Variants in APLP2 observed in about 807,000 individuals in gnomAD.
APLP2 encodes amyloid beta precursor like protein 2, also known as CDEI box-binding protein.
APLP2 carries 53 observed loss-of-function variants against 89.9 expected under a neutral mutation model. The observed-to-expected ratio is 0.59, with a 90% CI of 0.47 to 0.74. APLP2 has a LOEUF of 0.74. Ranked by LOEUF, APLP2 falls within the 30% of genes least tolerant of loss-of-function variation. The pLI is 0.00. For synonymous variants in APLP2, 372 were observed against 348.6 expected, an observed-to-expected ratio of 1.07 and a Z score of -0.75; for missense variants, 973 against 975.9, an observed-to-expected ratio of 1.00 and a Z score of 0.04.
At chr11:130,094,469 G>A (rs1478436951) in intron 1 of APLP2, among the ~76,000 whole-genome samples, 3 of 152,104 alleles carry the variant, frequency 2.0e-5, no homozygotes, top group Admixed American at 6.6e-5. Context: ...GATTACAGAC[G>A]TGAGCCACCG....
intron 3 of APLP2, among the ~76,000 whole-genome samples, chr11:130,114,789 A>G (rs10894178): frequency 0.098 from 14,963 of 152,210 alleles, 1,092 homozygotes; most frequent in African/African-American, 0.2. Flanking sequence ...AGGTAGTGTT[A>G]TTGCGATATG....
intron 1 of APLP2, among the ~76,000 whole-genome samples, chr11:130,105,688 GTCTT>G (rs920703912): frequency 7.0e-6 from 1 of 142,734 alleles, no homozygotes; most frequent in Non-Finnish European, 1.5e-5. Flanking sequence ...CTCTCTCCCT[GTCTT>G]TCTGTCTGCT....
At chr11:130,137,429 C>A in intron 13 of APLP2, 2 of 817,670 alleles carry the variant, frequency 2.4e-6, no homozygotes, top group South Asian at 2.8e-5. Flanking sequence ...TGAGTGGGGT[C>A]AGAGCAGCCC....
intron 13 of APLP2, chr11:130,139,511 A>G (rs1952083761): frequency 6.6e-6 from 1 of 152,194 alleles, no homozygotes. Context: ...GATAGCTAGA[A>G]ATCACATGCT....
rs150557962 is a variant in APLP2, at chr11:130,128,701, A to G, written c.1297-347A>G. ...TCAGTGGTCTCAGAGTTTGGAAGTT[A>G]GTGCCTTGCTGCAATGTGGGAAGGA... On this transcript the variant is annotated intron_variant, in intron 9 of 16. Coordinates refer to ENST00000338167, the MANE Select transcript of APLP2 (RefSeq NM_001142276.2). Among the ~76,000 whole-genome samples the G allele has an allele frequency of 2.5e-3, 374 of 152,374 alleles. 1 individual carries two copies. Among genetic ancestry groups the G allele is most frequent in the African/African-American group, 8.7e-3 (362 of 41,584 alleles).
chr11:130,103,131 A>T (rs1947160450), intron 1 of APLP2, among the ~76,000 whole-genome samples: 1 of 152,252 alleles, frequency 6.6e-6, no homozygotes, highest in Non-Finnish European at 1.5e-5. Context: ...GGATCAAGGC[A>T]CAGTCTGTGC....
intron 1 of APLP2, among the ~76,000 whole-genome samples, chr11:130,095,825 C>T (rs1246372362): frequency 6.6e-6 from 1 of 152,196 alleles, no homozygotes; most frequent in Non-Finnish European, 1.5e-5. Flanking sequence ...AGTGCAGTAT[C>T]TTGAAGAAAC....
chr11:130,118,217 A>G (rs1015015965), intron 3 of APLP2, among the ~76,000 whole-genome samples: 2 of 152,376 alleles, frequency 1.3e-5, no homozygotes, highest in Admixed American at 6.5e-5. Flanking sequence ...CTGTTGCTTA[A>G]ATATACATTG....
intron 11 of APLP2, 101 bp from the exon 12 acceptor site, chr11:130,133,528 A>G (rs1044097905): frequency 6.3e-6 from 5 of 794,894 alleles, no homozygotes; most frequent in African/African-American, 3.4e-5. Flanking sequence ...TGCTTTGTAA[A>G]GTGGTTTTTC....
In APLP2 at chr11:130,117,920, C is replaced by CA. The variant is rs949985896; in HGVS notation, c.404-2779dup. 4.0e-5 allele frequency among the ~76,000 whole-genome samples: 6 copies of CA among 151,500 alleles called. No homozygotes were observed. The East Asian group carries it at 5.9e-4, about 15-fold the overall frequency. On this transcript the variant is annotated intron_variant, in intron 3 of 16. Coordinates refer to ENST00000338167, the MANE Select transcript of APLP2 (RefSeq NM_001142276.2). Reference sequence around the variant, plus strand: ...AAAACCCGTCTCTCTACTAAAAATACAAAAAAATTAGACGGGCGTGGTGGC... The same window carrying CA: ...AAAACCCGTCTCTCTACTAAAAATACAAAAAAAATTAGACGGGCGTGGTGGC...
intron 1 of APLP2, chr11:130,070,496 C>T (rs1940767837): frequency 5.9e-6 from 7 of 1,188,668 alleles, no homozygotes; most frequent in Non-Finnish European, 7.3e-6. Context: ...CCCGCGCGGA[C>T]CCCGTACGCT....
At chr11:130,135,485 G>A in intron 12 of APLP2, 78 bp from the exon 13 acceptor site, 1 of 1,502,892 alleles carries the variant, frequency 6.7e-7, no homozygotes, top group South Asian at 1.2e-5. Flanking sequence ...GTGGGGTCTT[G>A]GAGCTCTAGA....
intron 3 of APLP2, among the ~76,000 whole-genome samples, chr11:130,110,946 T>A (rs1948472842): frequency 6.6e-6 from 1 of 152,212 alleles, no homozygotes; most frequent in African/African-American, 2.4e-5. Context: ...CATTGTTTGA[T>A]ATCAGTGGTT....
chr11:130,092,344 T>G lies in APLP2; in HGVS notation c.106-17085T>G, dbSNP rs1223059950. ...TGGCGGCCGGGCAGAGGCTGCAATC[T>G]CGGCACTTTGGGAGGCCAAGGCAGG... On this transcript the variant is annotated intron_variant, in intron 1 of 16. Transcript: ENST00000338167. 3.1e-3 allele frequency among the ~76,000 whole-genome samples: 358 copies of G among 115,468 alleles called. 2 individuals carry two copies. Among genetic ancestry groups the G allele is most frequent in the Non-Finnish European group, 4.7e-3 (272 of 58,108 alleles). The allele number at this position is 115,468 out of a possible 152,430, so 75.8% of individuals were successfully genotyped here.
chr11:130,122,240 G>T, intron 5 of APLP2, 65 bp from the exon 6 acceptor site: 3 of 1,561,732 alleles, frequency 1.9e-6, no homozygotes, highest in Non-Finnish European at 2.6e-6. Context: ...ATAGAGAAGG[G>T]ACCCATTGTT....
At position 130,120,079 on chromosome 11, in the gene APLP2, A is replaced by G. The variant is rs187939605; in HGVS notation, c.404-627A>G. ...AGCATGATTAGATTCAAATGATAAT[A>G]TATTTTGGCAGAAATACTGTGTAGG... On this transcript the variant is annotated intron_variant, in intron 3 of 16. Transcript: ENST00000338167. Among the ~76,000 whole-genome samples the G allele has an allele frequency of 5.7e-4, 87 of 152,332 alleles. 1 individual carries two copies. The highest frequency in any genetic ancestry group is 4.4e-3 in the Admixed American group (67 of 15,294).
At position 130,135,495 on chromosome 11, in the gene APLP2, A is replaced by G. The variant is rs966720865; in HGVS notation, c.1685-68A>G. On this transcript the variant is annotated intron_variant, in intron 12 of 16. Coordinates refer to ENST00000338167, the MANE Select transcript of APLP2 (RefSeq NM_001142276.2). ...CCACAGTGGGGTCTTGGAGCTCTAGAGCATCCTGTGCCTGGACACCAGGCC... is the reference window on the plus strand; with the variant it reads ...CCACAGTGGGGTCTTGGAGCTCTAGGGCATCCTGTGCCTGGACACCAGGCC... The G allele has an allele frequency of 5.8e-6, 9 of 1,554,900 alleles. No individual in the cohort carries two copies. In the African/African-American group the frequency reaches 1.1e-4, roughly 19 times the overall value.
rs575570059 is a variant in APLP2, at chr11:130,123,440, A to G, written c.923-172A>G. On this transcript the variant is annotated intron_variant, in intron 6 of 16. Transcript: ENST00000338167. This position sits in a 1 kb window ranked among gnomAD's most constrained non-coding sequence, Gnocchi z 4.0. ...AATGTCTCTACTCTGTGGGGAAGCAACTTGTCCTCAGCAAGGCTGGCCTGA... is the reference window on the plus strand; with the variant it reads ...AATGTCTCTACTCTGTGGGGAAGCAGCTTGTCCTCAGCAAGGCTGGCCTGA... Among the ~76,000 whole-genome samples the G allele has an allele frequency of 5.3e-5, 8 of 152,344 alleles. No homozygotes were observed. The East Asian group carries it at 7.7e-4, about 15-fold the overall frequency.
At chr11:130,111,541 A>G (rs1255942073) in intron 3 of APLP2, among the ~76,000 whole-genome samples, 2 of 152,194 alleles carry the variant, frequency 1.3e-5, no homozygotes, top group Non-Finnish European at 2.9e-5. Context: ...TTCTGATGGC[A>G]GCAAAATGGA....
Sources: gnomAD v4.1 joint callset for allele counts (sites outside exome capture counted in the v4.1 genomes callset) on GRCh38, gnomAD v4.1.1 for gene constraint, Gnocchi (gnomAD v3.1) non-coding constraint, MANE v1.5 for transcripts, NCBI Gene and HGNC (gene_info 2026-07-23, HGNC 2026-07-21) for gene names.